The following NRXN3 variants were observed in gnomAD, a reference collection of about 807,000 sequenced individuals.
NRXN3 encodes neurexin 3, also known as neurexin III.
Under a neutral mutation model 137.6 loss-of-function variants are expected in NRXN3, and 32 were observed. The ratio of observed to expected loss-of-function variants is 0.23; its 90% CI spans 0.18 to 0.31. The LOEUF is 0.31. NRXN3 is among the 10% of genes least tolerant of loss of function. NRXN3 has a pLI of 1.00. For synonymous variants in NRXN3, 798 were observed against 784.5 expected (o/e 1.02, Z -0.29); for missense variants, 1,574 against 2,062.5 (o/e 0.76, Z 4.59).
intron 4 of NRXN3, chr14:78,615,001 C>T (rs1358033321): frequency 2.2e-6 from 1 of 456,492 alleles, no homozygotes; most frequent in Non-Finnish European, 4.4e-6. Flanking sequence ...AAATGCACCC[C>T]TCTACCCACT....
chr14:79,367,918 T>C (rs2093954254), intron 15 of NRXN3, among the ~76,000 whole-genome samples: 2 of 152,192 alleles, frequency 1.3e-5, no homozygotes, highest in African/African-American at 2.4e-5. Context: ...AGTAAGTCTT[T>C]GAGTTGACTC....
intron 4 of NRXN3, among the ~76,000 whole-genome samples, chr14:78,401,278 C>T (rs920792317): frequency 1.3e-5 from 2 of 152,136 alleles, no homozygotes; most frequent in Admixed American, 6.5e-5. Context: ...GATTCTCCTG[C>T]CTCAGCCTCC....
chr14:78,316,323 A>G (rs577565814), intron 4 of NRXN3, among the ~76,000 whole-genome samples: 2 of 152,080 alleles, frequency 1.3e-5, no homozygotes, highest in African/African-American at 2.4e-5. Context: ...AGGGTGGACA[A>G]TTTGCTTCTG....
chr14:78,478,559 GAGAA>G (rs2095419715), intron 4 of NRXN3, among the ~76,000 whole-genome samples: 1 of 152,092 alleles, frequency 6.6e-6, no homozygotes, highest in South Asian at 2.1e-4. Context: ...AGAAAAAAAA[GAGAA>G]AGCCTTTCTA....
intron 15 of NRXN3, among the ~76,000 whole-genome samples, chr14:79,078,487 A>T (rs1054693882): frequency 6.6e-6 from 1 of 152,214 alleles, no homozygotes; most frequent in Non-Finnish European, 1.5e-5. Context: ...ATGCAAAATG[A>T]TGCCTAAACC....
intron 15 of NRXN3, among the ~76,000 whole-genome samples, chr14:79,170,340 G>A (rs955071556): frequency 1.1e-4 from 17 of 152,034 alleles, no homozygotes; most frequent in Non-Finnish European, 2.1e-4. Flanking sequence ...ATGAAAAATG[G>A]GAGATTAAAG....
chr14:79,152,649 G>A (rs2059907819), intron 15 of NRXN3, among the ~76,000 whole-genome samples: 1 of 151,896 alleles, frequency 6.6e-6, no homozygotes, highest in Admixed American at 6.6e-5. Flanking sequence ...GGGAACTGCT[G>A]TTTATAAAAC....
chr14:78,457,070 A>C (rs1334753421), intron 4 of NRXN3, among the ~76,000 whole-genome samples: 48 of 62,568 alleles, frequency 7.7e-4, no homozygotes, highest in East Asian at 1.3e-3. Context: ...TTCTCCTCCC[A>C]CTCTGTGGTC....
At chr14:79,008,712 G>A (rs1044879602) in intron 15 of NRXN3, among the ~76,000 whole-genome samples, 1 of 147,014 alleles carries the variant, frequency 6.8e-6, no homozygotes, top group African/African-American at 2.5e-5. Context: ...AGGCAGGAGT[G>A]AAGTGATGTA....
chr14:78,502,099 C>T (rs552169742), intron 4 of NRXN3, among the ~76,000 whole-genome samples: 3 of 152,208 alleles, frequency 2.0e-5, no homozygotes, highest in Admixed American at 2.0e-4. Flanking sequence ...TGGGAGATCA[C>T]GTGACCAGTA....
chr14:78,737,625 G>T (rs535260802), intron 8 of NRXN3, among the ~76,000 whole-genome samples: 1 of 152,152 alleles, frequency 6.6e-6, no homozygotes, highest in East Asian at 1.9e-4. Flanking sequence ...GCAAAAAAGG[G>T]GGGGAGGGGT....
At chr14:78,370,883 A>T (rs2086704781) in intron 4 of NRXN3, among the ~76,000 whole-genome samples, 1 of 152,212 alleles carries the variant, frequency 6.6e-6, no homozygotes, top group African/African-American at 2.4e-5. Context: ...ATTGTGTGGT[A>T]AGGGCATTAG....
rs58649555 is a variant in NRXN3, at chr14:78,187,781, G to GTTT, written c.-704+17122_-704+17124dup. ...TAACTGAACTATTAGGATTTTAGTT[G>GTTT]TTTTTTTTTTTTTTTTTGAGGTTGG... On this transcript the variant is annotated intron_variant, in intron 1 of 20. Coordinates refer to ENST00000335750, the MANE Select transcript of NRXN3 (RefSeq NM_001330195.2). Among the ~76,000 whole-genome samples the GTTT allele has an allele frequency of 3.2e-3, 426 of 133,708 alleles. 5 individuals carry two copies. Among genetic ancestry groups the GTTT allele is most frequent in the Middle Eastern group, 0.011 (3 of 262 alleles). 87.7% of individuals were successfully genotyped at this position (133,708 alleles called of 152,430 possible). A position where few individuals can be genotyped will look rare whatever the true frequency, so the allele number is the denominator to read the frequency against.
At chr14:78,331,055 TTC>T (rs1326321951) in intron 4 of NRXN3, among the ~76,000 whole-genome samples, 1 of 152,216 alleles carries the variant, frequency 6.6e-6, no homozygotes, top group African/African-American at 2.4e-5. Context: ...AGGGCTCTAG[TTC>T]TTAGATTTTA....
chr14:79,024,174 A>C (rs966945704), intron 15 of NRXN3, among the ~76,000 whole-genome samples: 4 of 152,056 alleles, frequency 2.6e-5, no homozygotes, highest in South Asian at 2.1e-4. Context: ...ATGACTTGCC[A>C]TCCATTCTTA....
rs529461096 is a variant in NRXN3 at position 78,934,062 on chromosome 14, A to T, written c.2276-23180A>T. Among the ~76,000 whole-genome samples the T allele has an allele frequency of 6.1e-5, 9 of 148,648 alleles. No homozygotes were observed. In the South Asian group the frequency reaches 1.8e-3, roughly 29 times the overall value. Reference sequence around the variant, plus strand: ...TAATAATCCTTTTATGCTATCAAAGATTTACTGCTCTTTGAGCTTACCTTA... The same window carrying T: ...TAATAATCCTTTTATGCTATCAAAGTTTTACTGCTCTTTGAGCTTACCTTA... On this transcript the variant is annotated intron_variant, in intron 10 of 20. Transcript: ENST00000335750.
At chr14:78,375,784 C>T (rs903572246) in intron 4 of NRXN3, among the ~76,000 whole-genome samples, 1 of 152,030 alleles carries the variant, frequency 6.6e-6, no homozygotes, top group African/African-American at 2.4e-5. Flanking sequence ...ATGCAGTGCA[C>T]CTGCAGTGAT....
At chr14:79,570,435 G>A (rs1203711323) in intron 16 of NRXN3, 1 of 152,164 alleles carries the variant, frequency 6.6e-6, no homozygotes, top group African/African-American at 2.4e-5. Flanking sequence ...CTGAGGAAAA[G>A]ACATGCTTTT....
At chr14:79,325,598 T>G (rs1283162704) in intron 15 of NRXN3, among the ~76,000 whole-genome samples, 2 of 152,208 alleles carry the variant, frequency 1.3e-5, no homozygotes, top group African/African-American at 4.8e-5. Flanking sequence ...TAATTTGTCT[T>G]GTTTTTAGAG....
Sources: gnomAD v4.1 joint callset for allele counts (sites outside exome capture counted in the v4.1 genomes callset) on GRCh38, gnomAD v4.1.1 for gene constraint, MANE v1.5 for transcripts, NCBI Gene and HGNC (gene_info 2026-07-23, HGNC 2026-07-21) for gene names.